MKKS: variants seen among roughly 807,000 people sequenced by gnomAD.
MKKS encodes MKKS centrosomal shuttling protein.
A neutral mutation model predicts 33.2 loss-of-function variants in MKKS; 29 were observed. The ratio of observed to expected loss-of-function variants is 0.87; its 90% confidence interval spans 0.65 to 1.19. The LOEUF (loss-of-function observed/expected upper bound fraction) is 1.19. MKKS is among the 50% of genes most tolerant of loss of function. MKKS has a pLI of 0.00. For missense variants in MKKS, 661 were observed against 662.3 expected (o/e 1.00, Z 0.02); for synonymous variants, 260 against 244.0 (o/e 1.07, Z -0.61).
intron 2 of MKKS, among the ~76,000 whole-genome samples, chr20:10,414,689 A>G (rs1320083088): frequency 1.3e-5 from 2 of 152,210 alleles, no homozygotes; most frequent in Non-Finnish European, 2.9e-5. Context: ...GTGCATTTAT[A>G]TCAAGTCATG....
Position 10,413,572 on chromosome 20 carries a change from A to G in MKKS, c.-58T>C, listed in dbSNP as rs114068950. On this transcript the variant is annotated 5_prime_UTR_variant, in exon 3 of 6. Transcript: ENST00000347364. ...TTTATTTTGTAAACCACATTTTTCT[A>G]TTTATTGCATTATCACGTTTTAACA... 2,620 of 1,549,776 alleles carry G rather than the reference A, an allele frequency of 1.7e-3. 41 individuals carry two copies. In the African/African-American group the frequency reaches 0.031, roughly 18 times the overall value.
chr20:10,428,805 T>C lies in MKKS; in HGVS notation c.-649+5303A>G, dbSNP rs527901814. 1.1e-4 allele frequency among the ~76,000 whole-genome samples: 17 copies of C among 151,978 alleles called. No homozygotes were observed. The East Asian group carries it at 1.4e-3, about 12-fold the overall frequency. On this transcript the variant is annotated intron_variant, in intron 1 of 5. Transcript: ENST00000347364. Reference sequence around the variant, plus strand: ...ATTACAGTGAGTCGAGATCGCGCCATTGCACTCCAGCCTAGGTGACAGAGC... The same window carrying C: ...ATTACAGTGAGTCGAGATCGCGCCACTGCACTCCAGCCTAGGTGACAGAGC...
intron 1 of MKKS, chr20:10,431,857 C>G (rs2065055749): frequency 6.6e-6 from 1 of 152,290 alleles, no homozygotes; most frequent in Non-Finnish European, 1.5e-5. Context: ...TCTGCTTCAG[C>G]TCTTAGTTCA....
At chr20:10,431,814 G>A (rs1242925970) in intron 1 of MKKS, 1 of 152,108 alleles carries the variant, frequency 6.6e-6, no homozygotes, top group African/African-American at 2.4e-5. Context: ...AGAGAATCTT[G>A]TCCCCTTTGG....
Position 10,405,592 on chromosome 20 carries a change from A to G in MKKS, c.1368T>C (p.Ser456=), listed in dbSNP as rs2064837381. ...CATCATGTTCTAAAGAGCCAACAAC[A>G]GATTCTAGGGCACTGCAAAATGCTT... The part of the protein sequence containing the change: ...IAEAFCSALE[S]VVGSLEHDGG... Residue 456 remains serine, a synonymous_variant, in exon 6 of 6, where the codon TCT becomes TCC. Transcript: ENST00000347364. The G allele has an allele frequency of 3.1e-6, 5 of 1,614,076 alleles. No homozygotes were observed. The South Asian group carries it at 5.5e-5, about 18-fold the overall frequency.
At chr20:10,414,765 A>C (rs2064924942) in intron 2 of MKKS, among the ~76,000 whole-genome samples, 1 of 152,186 alleles carries the variant, frequency 6.6e-6, no homozygotes, top group African/African-American at 2.4e-5. Context: ...ACTAATGTAT[A>C]GTCTATATTT....
In MKKS at chr20:10,405,486, C is replaced by A. The variant is rs142327258; in HGVS notation, c.1474G>T (p.Asp492Tyr). 3.1e-6 allele frequency: 5 copies of A among 1,614,214 alleles called. No individual in the cohort carries two copies. The highest frequency in any genetic ancestry group is 4.2e-6 in the Non-Finnish European group (5 of 1,180,038). Residue 492 changes from aspartate (D) to tyrosine (Y), a missense_variant, in exon 6 of 6, where the codon GAT (aspartate) becomes TAT (tyrosine). Asp to Tyr is a radical substitution (Grantham distance 160, BLOSUM62 -3). Coordinates refer to ENST00000347364, the MANE Select transcript of MKKS (RefSeq NM_170784.3). Reference sequence around the variant, plus strand: ...CCACAGCCACACTGTGAAAGCAAATCTGGCCAGTTAGCAACACAGGGAGAA... The same window carrying A: ...CCACAGCCACACTGTGAAAGCAAATATGGCCAGTTAGCAACACAGGGAGAA... ...ADSPCVANWPDLLSQCGCGLY... is the reference protein window; with the variant it reads ...ADSPCVANWPYLLSQCGCGLY...
chr20:10,407,364 A>G (rs146060692), intron 5 of MKKS, among the ~76,000 whole-genome samples: 2 of 152,184 alleles, frequency 1.3e-5, no homozygotes, highest in Non-Finnish European at 2.9e-5. Context: ...AATCATTGTA[A>G]TAAGGATATT....
chr20:10,418,956 G>A (rs1371464229), intron 2 of MKKS, among the ~76,000 whole-genome samples: 1 of 151,996 alleles, frequency 6.6e-6, no homozygotes, highest in Non-Finnish European at 1.5e-5. Flanking sequence ...CTTTTAAGTT[G>A]TTAAGCTTCT....
chr20:10,402,245 T>C lies in MKKS; in HGVS notation c.*3002A>G, dbSNP rs547609585. The C allele has an allele frequency of 2.6e-5, 4 of 152,328 alleles. 1 individual carries two copies. The highest frequency in any genetic ancestry group is 9.6e-5 in the African/African-American group (4 of 41,564). 9.4% of individuals were successfully genotyped at this position (152,328 alleles called of 1,614,324 possible). On this transcript the variant is annotated 3_prime_UTR_variant, in exon 6 of 6. Coordinates refer to ENST00000347364, the MANE Select transcript of MKKS (RefSeq NM_170784.3). Reference sequence around the variant, plus strand: ...ATTCAGACCTCAATCTTACTTTAAGTCACAAAACACTGCCTGAGGCTTACC... The same window carrying C: ...ATTCAGACCTCAATCTTACTTTAAGCCACAAAACACTGCCTGAGGCTTACC...
At chr20:10,422,553 C>G (rs1387501977) in intron 1 of MKKS, among the ~76,000 whole-genome samples, 1 of 152,066 alleles carries the variant, frequency 6.6e-6, no homozygotes, top group African/African-American at 2.4e-5. Context: ...GAGGCTGCAC[C>G]AAAGGTCAGC....
At chr20:10,432,089 T>C (rs2065057850) in intron 1 of MKKS, among the ~76,000 whole-genome samples, 1 of 152,196 alleles carries the variant, frequency 6.6e-6, no homozygotes, top group Admixed American at 6.5e-5. Context: ...CATGATTGAC[T>C]TGGCTGAAGA....
intron 5 of MKKS, among the ~76,000 whole-genome samples, 189 bp downstream of exon 5, chr20:10,407,426 AT>A (rs2064850874): frequency 6.6e-6 from 1 of 152,186 alleles, no homozygotes. Flanking sequence ...TATCTACTTT[AT>A]TTAGACTACT....
chr20:10,414,415 G>A (rs534082806), intron 2 of MKKS, among the ~76,000 whole-genome samples: 93 of 152,066 alleles, frequency 6.1e-4, no homozygotes, highest in African/African-American at 2.1e-3. Context: ...ACAGGCATGC[G>A]CCACCATGCC....
At position 10,407,703 on chromosome 20, in the gene MKKS, A is replaced by G. The variant is rs762295301; in HGVS notation, c.1185T>C (p.His395=). Residue 395 remains histidine (H), a synonymous_variant, in exon 5 of 6, where the codon CAT becomes CAC. Transcript: ENST00000347364. ...ELKLTCQTAL[H]VLQLTLKEPW... The stretch of plus-strand genomic sequence containing the variant: ...GTTCCTTGAGTGTTAACTGCAGGAC[A>G]TGCAGTGCCGTCTGACACGTGAGCT... The G allele has an allele frequency of 1.2e-6, 2 of 1,613,868 alleles. No individual in the cohort carries two copies. The highest frequency in any genetic ancestry group is 1.7e-6 in the Non-Finnish European group (2 of 1,179,786).
At chr20:10,432,158 G>A (rs1462305679) in intron 1 of MKKS, among the ~76,000 whole-genome samples, 3 of 152,218 alleles carry the variant, frequency 2.0e-5, no homozygotes, top group Non-Finnish European at 4.4e-5. Flanking sequence ...CAATCAAGGG[G>A]TATAAAAGCC....
intron 1 of MKKS, among the ~76,000 whole-genome samples, chr20:10,426,333 A>C (rs2065014343): frequency 6.6e-6 from 1 of 152,190 alleles, no homozygotes; most frequent in South Asian, 2.1e-4. Context: ...GATGAGGGGA[A>C]CATTTGGAGG....
chr20:10,420,174 T>TA (rs544050990), intron 2 of MKKS, among the ~76,000 whole-genome samples: 166 of 148,980 alleles, frequency 1.1e-3, no homozygotes, highest in South Asian at 2.4e-3. Context: ...TTTGTATTGT[T>TA]AAAAAAAAAA....
At chr20:10,427,628 T>C (rs2065025133) in intron 1 of MKKS, among the ~76,000 whole-genome samples, 1 of 152,252 alleles carries the variant, frequency 6.6e-6, no homozygotes, top group Non-Finnish European at 1.5e-5. Context: ...GCATTTTTTC[T>C]GTGTACACAA....
Sources: allele counts gnomAD v4.1 joint callset (sites outside exome capture counted in the v4.1 genomes callset), GRCh38; gene constraint gnomAD v4.1.1; transcripts MANE v1.5; gene names NCBI Gene and HGNC (gene_info 2026-07-23, HGNC 2026-07-21).